Variants in OR51E2 observed in about 807,000 individuals in gnomAD.
The protein encoded by OR51E2 is olfactory receptor family 51 subfamily E member 2.
OR51E2 carries 14 observed loss-of-function variants against 13.7 expected under a neutral mutation model. The observed-to-expected ratio is 1.02, with a 90% CI of 0.68 to 1.60. The LOEUF (loss-of-function observed/expected upper bound fraction) is 1.60. OR51E2 is among the 40% of genes most tolerant of loss of function. The pLI, the probability that OR51E2 is intolerant of heterozygous loss-of-function variation, is 0.00. For synonymous variants in OR51E2, 180 were observed against 157.6 expected (o/e 1.14, Z -1.07); for missense variants, 483 against 413.8 (o/e 1.17, Z -1.45).
At position 4,694,501 on chromosome 11, in the gene OR51E2, T is replaced by C. The variant is rs532519654; in HGVS notation, c.-51+3152A>G. Reference sequence around the variant, plus strand: ...ATATATATACGTGTATATATATATATACACACACATATATATATATACACA... The same window carrying C: ...ATATATATACGTGTATATATATATACACACACACATATATATATATACACA... On this transcript the variant is annotated intron_variant, in intron 1 of 1. Transcript: ENST00000396950. Among the ~76,000 whole-genome samples the C allele has an allele frequency of 5.3e-3, 758 of 143,888 alleles. 18 individuals carry two copies. Among genetic ancestry groups the C allele is most frequent in the East Asian group, 0.023 (88 of 3,906 alleles). The allele number at this position is 143,888 out of a possible 152,430, so 94.4% of individuals were successfully genotyped here. A position where few individuals can be genotyped will look rare whatever the true frequency, so the allele number is the denominator to read the frequency against.
At chr11:4,689,035 G>A (rs1163712942) in intron 1 of OR51E2, among the ~76,000 whole-genome samples, 1 of 152,142 alleles carries the variant, frequency 6.6e-6, no homozygotes, top group Non-Finnish European at 1.5e-5. Flanking sequence ...GGATAAGTCT[G>A]AACTACAAAT....
chr11:4,682,260 C>T lies in OR51E2; in HGVS notation c.452G>A (p.Gly151Glu). Residue 151 changes from glycine (G) to glutamate (E), a missense_variant, in exon 2 of 2, where the codon GGA becomes GAA. Gly to Glu is a moderately conservative substitution (Grantham distance 98). Transcript: ENST00000396950. Reference sequence around the variant, plus strand: ...AGGCAGTGGGAAAAAAAAGAGGGATCCGCGGACCACAGCCACGATGCCAAT... The same window carrying T: ...AGGCAGTGGGAAAAAAAAGAGGGATTCGCGGACCACAGCCACGATGCCAAT... Reference protein sequence around the residue: ...AQIGIVAVVRGSLFFFPLPLL... With the variant: ...AQIGIVAVVRESLFFFPLPLL... 6.2e-7 allele frequency: 1 copy of T among 1,614,094 alleles called. No homozygotes were observed. The highest frequency in any genetic ancestry group is 8.5e-7 in the Non-Finnish European group (1 of 1,180,020).
At chr11:4,696,262 C>T (rs1297339375) in intron 1 of OR51E2, among the ~76,000 whole-genome samples, 1 of 152,126 alleles carries the variant, frequency 6.6e-6, no homozygotes, top group Non-Finnish European at 1.5e-5. Flanking sequence ...CTCATTCTCT[C>T]GTCCCCTCCA....
rs1290900179 is a variant in OR51E2, at chr11:4,682,180, A to C, written c.532T>G (p.Cys178Gly). Residue 178 changes from cysteine (C) to glycine (G), a missense_variant, in exon 2 of 2, where the codon TGT becomes GGT. Coordinates refer to ENST00000396950, the MANE Select transcript of OR51E2 (RefSeq NM_030774.4). The part of the protein sequence containing the change: ...CHSNVLSHSY[C>G]VHQDVMKLAY... ...AACTTCATTACATCCTGGTGGACAC[A>C]ATAGGAGTGCGAGAGGACATTGGAG... The C allele has an allele frequency of 5.6e-6, 9 of 1,614,236 alleles. No individual in the cohort carries two copies. In the Admixed American group the frequency reaches 1.5e-4, roughly 27 times the overall value.
At chr11:4,690,385 C>A (rs1274822725) in intron 1 of OR51E2, 1 of 153,660 alleles carries the variant, frequency 6.5e-6, no homozygotes, top group Admixed American at 6.4e-5. Context: ...CTATTTCTCA[C>A]AAAGGAGTGA....
Position 4,697,671 on chromosome 11 carries a change from C to G in OR51E2, c.-69G>C, listed in dbSNP as rs564812226. On this transcript the variant is annotated 5_prime_UTR_variant, in exon 1 of 2. Coordinates refer to ENST00000396950, the MANE Select transcript of OR51E2 (RefSeq NM_030774.4). ...TACTTACAGAGCCCATACAGCAGTT[C>G]GGCCTGTTCCTTTCAGGCTGACTCA... 6 of 152,628 alleles carry G rather than the reference C, an allele frequency of 3.9e-5. No individual in the cohort carries two copies. Among genetic ancestry groups the G allele is most frequent in the African/African-American group, 1.2e-4 (5 of 41,450 alleles). The allele number at this position is 152,628 out of a possible 1,614,324, so 9.5% of individuals were successfully genotyped here. A position where few individuals can be genotyped will look rare whatever the true frequency, so the allele number is the denominator to read the frequency against.
chr11:4,685,805 G>C (rs990700923), intron 1 of OR51E2: 14 of 152,170 alleles, frequency 9.2e-5, no homozygotes, highest in Non-Finnish European at 1.6e-4. Flanking sequence ...GGATATTGAG[G>C]TATCCTCAGT....
rs770087606 is a variant in OR51E2, at chr11:4,681,808, C to A, written c.904G>T (p.Val302Leu). The change falls in exon 2 of 2, where the codon GTG becomes TTG. Residue 302 changes from valine to leucine, a missense_variant. Transcript: ENST00000396950. ...CAGCTGATCTTGAACATAGCCAGCA[C>A]CCGTGTTCTGATCTGTTTGGTTTTG... ...GAKTKQIRTR[V>L]LAMFKISCDK... 12 of 1,614,178 alleles carry A rather than the reference C, an allele frequency of 7.4e-6. No individual in the cohort carries two copies. The Admixed American group carries it at 2.0e-4, about 27-fold the overall frequency.
At position 4,691,104 on chromosome 11, in the gene OR51E2, A is replaced by G. The variant is rs1406510234; in HGVS notation, c.-51+6549T>C. 9 of 456,618 alleles carry G rather than the reference A, an allele frequency of 2.0e-5. No individual in the cohort carries two copies. The East Asian group carries it at 4.9e-4, about 25-fold the overall frequency. The allele number at this position is 456,618 out of a possible 1,614,324, so 28.3% of individuals were successfully genotyped here. ...AGTAGAGAACATGGCAGTCAGCCCA[A>G]CTGCACTGTTGATTCTGGTGTCTGT... On this transcript the variant is annotated intron_variant, in intron 1 of 1. Coordinates refer to ENST00000396950, the MANE Select transcript of OR51E2 (RefSeq NM_030774.4).
chr11:4,686,029 G>A (rs1263838711), intron 1 of OR51E2, among the ~76,000 whole-genome samples: 3 of 152,156 alleles, frequency 2.0e-5, no homozygotes, highest in Admixed American at 6.5e-5. Flanking sequence ...AGTATTTATT[G>A]GTCATCTATA....
At chr11:4,693,002 G>A (rs770266107) in intron 1 of OR51E2, among the ~76,000 whole-genome samples, 17 of 152,104 alleles carry the variant, frequency 1.1e-4, no homozygotes, top group Admixed American at 3.3e-4. Context: ...GTCCTCAGGC[G>A]AGTGATGAAA....
intron 1 of OR51E2, chr11:4,685,876 G>T (rs1452614332): frequency 6.6e-6 from 1 of 152,160 alleles, no homozygotes; most frequent in Non-Finnish European, 1.5e-5. Flanking sequence ...ACCCAGCAGG[G>T]TTACCTTCAT....
rs1771465280 is a variant in OR51E2 at position 4,682,488 on chromosome 11, G to A, written c.224C>T (p.Ser75Phe). 3 of 1,614,230 alleles carry A rather than the reference G, an allele frequency of 1.9e-6. No individual in the cohort carries two copies. Among genetic ancestry groups the A allele is most frequent in the Admixed American group, 1.7e-5 (1 of 60,036 alleles). ...LAAIDLALST[S>F]TMPKILALFW... is the part of the protein sequence containing the mutation. ...AAGGGCAAGGATCTTAGGCATGGTGGATGTGGATAAGGCCAGGTCAATGGC... is the reference window on the plus strand; with the variant it reads ...AAGGGCAAGGATCTTAGGCATGGTGAATGTGGATAAGGCCAGGTCAATGGC... Residue 75 changes from serine (S) to phenylalanine (F), a missense_variant, in exon 2 of 2, where the codon TCC (serine) becomes TTC (phenylalanine). Physicochemically the swap from Ser to Phe is radical, Grantham distance 155 (BLOSUM62 -2). Coordinates refer to ENST00000396950, the MANE Select transcript of OR51E2 (RefSeq NM_030774.4).
chr11:4,687,684 C>T (rs1043029873), intron 1 of OR51E2, among the ~76,000 whole-genome samples: 1 of 152,154 alleles, frequency 6.6e-6, no homozygotes, highest in Non-Finnish European at 1.5e-5. Context: ...AGTGAACAGA[C>T]CCAGTGCCTG....
At chr11:4,684,291 A>G (rs1032298263) in intron 1 of OR51E2, among the ~76,000 whole-genome samples, 3 of 152,242 alleles carry the variant, frequency 2.0e-5, no homozygotes, top group Non-Finnish European at 4.4e-5. Context: ...CTATCAGAAC[A>G]TGAAAAGCCC....
chr11:4,682,044 G>T lies in OR51E2; in HGVS notation c.668C>A (p.Thr223Lys). ...TGACTTGGAAGGCAGTTGCAGAACC[G>T]TTCGTATTATCAGAAAATAGGACAA... ...ISLSYFLIIR[T>K]VLQLPSKSER... is the part of the protein sequence containing the mutation. The change falls in exon 2 of 2, where the codon ACG (threonine) becomes AAG (lysine). Residue 223 changes from threonine (T) to lysine (K), a missense_variant. Thr to Lys is a moderately conservative substitution (Grantham distance 78). Transcript: ENST00000396950. 6.2e-7 allele frequency: 1 copy of T among 1,614,212 alleles called. No homozygotes were observed.
chr11:4,693,845 G>T (rs1222406335), intron 1 of OR51E2, among the ~76,000 whole-genome samples: 1 of 152,200 alleles, frequency 6.6e-6, no homozygotes, highest in African/African-American at 2.4e-5. Context: ...TGCTATTTTA[G>T]AAGCTAAAGG....
chr11:4,691,674 G>A (rs750498380), intron 1 of OR51E2: 26 of 391,346 alleles, frequency 6.6e-5, no homozygotes, highest in Non-Finnish European at 1.2e-4. Flanking sequence ...AATGATGGAA[G>A]TGGAGGTGAT....
At chr11:4,690,984 A>C (rs1426870575) in intron 1 of OR51E2, 1 of 454,780 alleles carries the variant, frequency 2.2e-6, no homozygotes, top group African/African-American at 2.0e-5. Context: ...ACATGTACTG[A>C]AGGTTTCCTT....
Sources: gnomAD v4.1 joint callset for allele counts (sites outside exome capture counted in the v4.1 genomes callset) on GRCh38, gnomAD v4.1.1 for gene constraint, MANE v1.5 for transcripts, NCBI Gene and HGNC (gene_info 2026-07-23, HGNC 2026-07-21) for gene names.